The following TLK1 variants were observed in gnomAD, a reference collection of about 807,000 sequenced individuals.
The protein encoded by TLK1 is tousled like kinase 1, also known as serine/threonine-protein kinase tousled-like 1.
A neutral mutation model predicts 105.3 loss-of-function variants in TLK1; 24 were observed. The observed-to-expected ratio is 0.23, with a 90% CI of 0.17 to 0.32. The LOEUF is 0.32. Ranked by LOEUF, TLK1 falls within the 10% of genes least tolerant of loss-of-function variation. The pLI is 1.00. For missense variants in TLK1, 558 were observed against 910.5 expected, an observed-to-expected ratio of 0.61 and a Z score of 4.98; for synonymous variants, 321 against 310.4, an observed-to-expected ratio of 1.03 and a Z score of -0.36.
At chr2:171,147,580 T>C (rs995660409) in intron 1 of TLK1, among the ~76,000 whole-genome samples, 3 of 152,134 alleles carry the variant, frequency 2.0e-5, no homozygotes, top group Admixed American at 1.3e-4. Context: ...GATATAATGA[T>C]ACTTTAGAAT....
chr2:171,147,390 G>A (rs917843838), intron 1 of TLK1, among the ~76,000 whole-genome samples: 8 of 152,158 alleles, frequency 5.3e-5, no homozygotes, highest in Admixed American at 4.6e-4. Context: ...CCTTTGCCCA[G>A]TAAGCCAAAT....
At chr2:171,025,384 T>G (rs532735025) in intron 12 of TLK1, among the ~76,000 whole-genome samples, 18 of 152,326 alleles carry the variant, frequency 1.2e-4, no homozygotes, top group Middle Eastern at 3.4e-3. Flanking sequence ...CTCAATGAAC[T>G]TTGGTCCTTC....
intron 12 of TLK1, among the ~76,000 whole-genome samples, chr2:171,026,162 T>C (rs1685763693): frequency 6.6e-6 from 1 of 152,054 alleles, no homozygotes; most frequent in Admixed American, 6.5e-5. Context: ...AGGAAAAAGA[T>C]TATGGAAGGG....
intron 1 of TLK1, among the ~76,000 whole-genome samples, chr2:171,187,057 C>CAAAAAAAAAAAAAAAAAA (rs71013019): frequency 1.3e-3 from 43 of 33,970 alleles, no homozygotes; most frequent in African/African-American, 2.7e-3. Context: ...GACTCTGTCT[C>CAAAAAAAAAAAAAAAAAA]AAAAAAAAAA....
intron 3 of TLK1, among the ~76,000 whole-genome samples, chr2:171,073,528 CT>C (rs1200362808): frequency 1.3e-5 from 2 of 152,042 alleles, no homozygotes; most frequent in Non-Finnish European, 2.9e-5. Context: ...ATTCTTCTAC[CT>C]TTATGGAAAC....
intron 1 of TLK1, among the ~76,000 whole-genome samples, chr2:171,167,185 CTT>C (rs1350362103): frequency 2.6e-5 from 4 of 152,146 alleles, no homozygotes; most frequent in Non-Finnish European, 1.5e-5. Context: ...TTGTCTTATT[CTT>C]TCTCTTTAAA....
intron 1 of TLK1, among the ~76,000 whole-genome samples, chr2:171,156,410 TA>T (rs796646239): frequency 6.3e-4 from 96 of 152,380 alleles, no homozygotes; most frequent in African/African-American, 2.2e-3. Context: ...ATTTAATTTC[TA>T]AAAGAGCAAA....
At chr2:171,227,469 T>C (rs1218447333) in intron 1 of TLK1, among the ~76,000 whole-genome samples, 1 of 152,008 alleles carries the variant, frequency 6.6e-6, no homozygotes, top group African/African-American at 2.4e-5. Flanking sequence ...AAAAGCTTTC[T>C]GGTTTTGACT....
intron 3 of TLK1, chr2:171,067,042 C>CCTG: frequency 7.0e-7 from 1 of 1,432,400 alleles, no homozygotes; most frequent in Non-Finnish European, 9.3e-7. Flanking sequence ...GTAACATACT[C>CCTG]CTGTATCATA....
intron 1 of TLK1, among the ~76,000 whole-genome samples, chr2:171,175,075 G>A (rs1692796347): frequency 6.6e-6 from 1 of 151,976 alleles, no homozygotes; most frequent in Admixed American, 6.6e-5. Flanking sequence ...ATACAAAATG[G>A]ATAAAATCAG....
intron 1 of TLK1, among the ~76,000 whole-genome samples, chr2:171,213,918 G>A (rs1458247067): frequency 6.6e-6 from 1 of 150,728 alleles, no homozygotes. Flanking sequence ...TTAGAGAAGA[G>A]GTCTTGTTAT....
intron 1 of TLK1, among the ~76,000 whole-genome samples, chr2:171,222,968 C>T (rs920161910): frequency 2.6e-5 from 4 of 152,096 alleles, no homozygotes; most frequent in African/African-American, 9.7e-5. Flanking sequence ...GCATGCACCA[C>T]CACGCCCAAC....
In TLK1 at chr2:171,117,828, G is replaced by A; in HGVS notation, c.169C>T (p.Pro57Ser). Residue 57 changes from proline (P) to serine (S), a missense_variant, in exon 2 of 21, where the codon CCA (proline) becomes TCA (serine). Coordinates refer to ENST00000431350, the MANE Select transcript of TLK1 (RefSeq NM_012290.5). ...GCTTCCAATAACTCTTGCCTTCTTG[G>A]ATCCAGACTATGAAGCTCATCCATT... is the stretch of plus-strand genomic sequence containing the variant. ...GAMDELHSLD[P>S]RRQELLEARF... The A allele has an allele frequency of 1.2e-6, 2 of 1,613,126 alleles. No individual in the cohort carries two copies. The highest frequency in any genetic ancestry group is 1.7e-6 in the Non-Finnish European group (2 of 1,179,806).
At chr2:171,072,673 C>T (rs960979451) in intron 3 of TLK1, among the ~76,000 whole-genome samples, 2 of 152,146 alleles carry the variant, frequency 1.3e-5, no homozygotes, top group Non-Finnish European at 2.9e-5. Flanking sequence ...GAGGCTGAGG[C>T]AGGAGAATCA....
chr2:171,015,887 T>C (rs1476791485), intron 12 of TLK1, among the ~76,000 whole-genome samples: 2 of 152,122 alleles, frequency 1.3e-5, no homozygotes, highest in African/African-American at 4.8e-5. Flanking sequence ...GAGACCAGCC[T>C]GACCAACATG....
chr2:171,058,356 A>T (rs1368352230), intron 4 of TLK1, among the ~76,000 whole-genome samples, 159 bp from the exon 5 acceptor site: 2 of 152,164 alleles, frequency 1.3e-5, no homozygotes, highest in African/African-American at 4.8e-5. Flanking sequence ...TTATTGGAGA[A>T]TCTTACAAAT....
intron 4 of TLK1, among the ~76,000 whole-genome samples, chr2:171,060,748 G>C (rs1375703184): frequency 1.4e-4 from 21 of 151,874 alleles, no homozygotes; most frequent in Non-Finnish European, 1.5e-5. Flanking sequence ...AAATAAATGG[G>C]AAAAGTTTGA....
upstream of TLK1, among the ~76,000 whole-genome samples, chr2:171,162,812 T>C (rs1285641314): frequency 6.6e-6 from 1 of 152,192 alleles, no homozygotes; most frequent in Non-Finnish European, 1.5e-5. Context: ...TTGTTTTTTG[T>C]TTTTGAGACA....
chr2:171,170,149 T>G (rs578023311), intron 1 of TLK1, among the ~76,000 whole-genome samples: 106 of 152,170 alleles, frequency 7.0e-4, no homozygotes, highest in Middle Eastern at 3.4e-3. Context: ...AAAATTAAAA[T>G]CCAATACTTT....
Sources: gnomAD v4.1 joint callset for allele counts (sites outside exome capture counted in the v4.1 genomes callset) on GRCh38, gnomAD v4.1.1 for gene constraint, MANE v1.5 for transcripts, NCBI Gene and HGNC (gene_info 2026-07-23, HGNC 2026-07-21) for gene names.